The following GPC6 variants were observed in gnomAD, a reference collection of about 807,000 sequenced individuals.
GPC6 encodes glypican 6.
A neutral mutation model predicts 55.2 loss-of-function variants in GPC6; 14 were observed. The ratio of observed to expected loss-of-function variants is 0.25; its 90% confidence interval spans 0.17 to 0.40. GPC6 has a LOEUF of 0.40. Among genes scored for constraint, GPC6 ranks in the 10% least tolerant of loss-of-function variants. The probability of loss-of-function intolerance (pLI) is 1.00; values close to 1 mark genes in which losing one functional copy is unlikely to be tolerated. For synonymous variants in GPC6, 278 were observed against 259.6 expected (o/e 1.07, Z -0.68); for missense variants, 641 against 708.5 (o/e 0.90, Z 1.08).
intron 7 of GPC6, among the ~76,000 whole-genome samples, chr13:94,386,887 T>G (rs1273465958): frequency 1.3e-5 from 2 of 152,354 alleles, no homozygotes; most frequent in Non-Finnish European, 2.9e-5. Flanking sequence ...CCTGATTACT[T>G]TCTGAATCTT....
In GPC6 at chr13:93,303,586, A is replaced by G. The variant is rs1415602160; in HGVS notation, c.160+75970A>G. Among the ~76,000 whole-genome samples, 5 of 152,314 alleles carry G rather than the reference A, an allele frequency of 3.3e-5. No individual in the cohort carries two copies. In the East Asian group the frequency reaches 9.6e-4, roughly 29 times the overall value. ...GAAGAAGAGTGTGGGTCAAGTTTTC[A>G]ATGAATCAGAGGAAGCTTGAGGTTA... is the stretch of plus-strand genomic sequence containing the variant. On this transcript the variant is annotated intron_variant, in intron 1 of 8. Coordinates refer to ENST00000377047, the MANE Select transcript of GPC6 (RefSeq NM_005708.5).
intron 2 of GPC6, among the ~76,000 whole-genome samples, chr13:93,719,480 G>A (rs1883373293): frequency 6.6e-6 from 1 of 151,740 alleles, no homozygotes; most frequent in Non-Finnish European, 1.5e-5. Flanking sequence ...AAGAAGTTTT[G>A]GGGCTGAGAC....
At chr13:93,843,050 A>C (rs1309456165) in intron 3 of GPC6, among the ~76,000 whole-genome samples, 3 of 149,636 alleles carry the variant, frequency 2.0e-5, no homozygotes, top group Non-Finnish European at 3.0e-5. Flanking sequence ...TTTTAACATC[A>C]CATGCATTTC....
intron 1 of GPC6, among the ~76,000 whole-genome samples, chr13:93,242,243 T>C (rs944881764): frequency 6.6e-6 from 1 of 152,144 alleles, no homozygotes; most frequent in African/African-American, 2.4e-5. Flanking sequence ...GGAGTTCCCA[T>C]GAAATGCACT....
At chr13:93,521,289 T>TCTTTG (rs1881410884) in intron 1 of GPC6, among the ~76,000 whole-genome samples, 1 of 148,536 alleles carries the variant, frequency 6.7e-6, no homozygotes, top group Non-Finnish European at 1.5e-5. Flanking sequence ...GGGGAAGATT[T>TCTTTG]ATTTTCTTTT....
chr13:93,626,914 C>G (rs1429749210), intron 2 of GPC6, among the ~76,000 whole-genome samples: 3 of 151,798 alleles, frequency 2.0e-5, no homozygotes, highest in Non-Finnish European at 4.4e-5. Flanking sequence ...CCTCAGGAAA[C>G]TTACAATCAT....
At chr13:94,041,982 T>C (rs1883553006) in intron 4 of GPC6, among the ~76,000 whole-genome samples, 1 of 151,872 alleles carries the variant, frequency 6.6e-6, no homozygotes, top group South Asian at 2.1e-4. Context: ...CCAAATCTCA[T>C]GTTCAATTAT....
intron 1 of GPC6, among the ~76,000 whole-genome samples, chr13:93,527,962 T>C (rs1057223851): frequency 1.3e-5 from 2 of 152,188 alleles, no homozygotes; most frequent in African/African-American, 4.8e-5. Flanking sequence ...CTCTATGTGA[T>C]ATGATCAGTG....
intron 4 of GPC6, among the ~76,000 whole-genome samples, chr13:94,142,018 G>C (rs1285024308): frequency 6.6e-6 from 1 of 151,302 alleles, no homozygotes; most frequent in Non-Finnish European, 1.5e-5. Context: ...GTGTGATTCT[G>C]TATCCTCTTT....
intron 3 of GPC6, among the ~76,000 whole-genome samples, chr13:94,021,925 T>C (rs1882710788): frequency 6.6e-6 from 1 of 152,104 alleles, no homozygotes; most frequent in Non-Finnish European, 1.5e-5. Flanking sequence ...CTATTTTCTT[T>C]TTTCCCAACT....
intron 1 of GPC6, among the ~76,000 whole-genome samples, chr13:93,360,602 G>A (rs960682119): frequency 6.6e-6 from 1 of 152,162 alleles, no homozygotes; most frequent in Non-Finnish European, 1.5e-5. Context: ...AATTAGATGT[G>A]CAGCAAAATA....
chr13:93,420,499 T>G (rs1015941655), intron 1 of GPC6, among the ~76,000 whole-genome samples: 1 of 152,058 alleles, frequency 6.6e-6, no homozygotes, highest in Non-Finnish European at 1.5e-5. Context: ...AGAGTGGGAA[T>G]GAGGTGAGGT....
At chr13:94,067,608 TAGATAGATAGATAGAC>T (rs1173972396) in intron 4 of GPC6, among the ~76,000 whole-genome samples, 1 of 151,402 alleles carries the variant, frequency 6.6e-6, no homozygotes, top group African/African-American at 2.4e-5. Flanking sequence ...GATAGATAGA[TAGATAGATAGATAGAC>T]AGACAGACAG....
At chr13:93,996,107 A>G (rs992938227) in intron 3 of GPC6, among the ~76,000 whole-genome samples, 9 of 152,292 alleles carry the variant, frequency 5.9e-5, no homozygotes, top group African/African-American at 1.9e-4. Flanking sequence ...AACCATTTTT[A>G]TTTGAAATCT....
Position 94,170,309 on chromosome 13 carries a change from C to A in GPC6, c.878-116040C>A, listed in dbSNP as rs146241270. 1.5e-3 allele frequency among the ~76,000 whole-genome samples: 222 copies of A among 152,276 alleles called. 2 individuals are homozygous for A. The highest frequency in any genetic ancestry group is 5.0e-3 in the African/African-American group (208 of 41,544). On this transcript the variant is annotated intron_variant, in intron 4 of 8. Coordinates refer to ENST00000377047, the MANE Select transcript of GPC6 (RefSeq NM_005708.5). ...AATTCTCATGCTTGATGGTTTTCAC[C>A]ACTAATTTCATTGAAATGGCCCCGT...
chr13:93,902,912 G>A (rs1013468439), intron 3 of GPC6, among the ~76,000 whole-genome samples: 6 of 151,970 alleles, frequency 3.9e-5, no homozygotes, highest in Admixed American at 1.3e-4. Flanking sequence ...AGTTGATAAC[G>A]CAGACATAAA....
At chr13:93,352,700 C>T (rs1880675503) in intron 1 of GPC6, among the ~76,000 whole-genome samples, 1 of 151,946 alleles carries the variant, frequency 6.6e-6, no homozygotes, top group African/African-American at 2.4e-5. Context: ...GTAAGCAGGT[C>T]CCAGATTTCG....
chr13:93,697,059 AT>A (rs1371224315), intron 2 of GPC6, among the ~76,000 whole-genome samples: 1 of 151,972 alleles, frequency 6.6e-6, no homozygotes, highest in Non-Finnish European at 1.5e-5. Context: ...CCAGTCCCCA[AT>A]TTGTATAGGA....
rs371612377 is a variant in GPC6 at position 93,676,068 on chromosome 13, C to T, written c.319+130647C>T. Among the ~76,000 whole-genome samples the T allele has an allele frequency of 1.8e-3, 256 of 139,484 alleles. 1 individual carries two copies. The highest frequency in any genetic ancestry group is 4.2e-3 in the South Asian group (18 of 4,308). The allele number at this position is 139,484 out of a possible 152,430, so 91.5% of individuals were successfully genotyped here. On this transcript the variant is annotated intron_variant, in intron 2 of 8. Transcript: ENST00000377047. ...GGTGGATCACCTGAGGTCAGGAGTTCGAGACCAGCCTGGCCAACACAGCAA... is the reference window on the plus strand; with the variant it reads ...GGTGGATCACCTGAGGTCAGGAGTTTGAGACCAGCCTGGCCAACACAGCAA...
Sources: allele counts gnomAD v4.1 joint callset (sites outside exome capture counted in the v4.1 genomes callset), GRCh38; gene constraint gnomAD v4.1.1; transcripts MANE v1.5; gene names NCBI Gene and HGNC (gene_info 2026-07-23, HGNC 2026-07-21).